Variants in DDAH1 observed in about 807,000 individuals in gnomAD.
DDAH1 encodes the protein dimethylarginine dimethylaminohydrolase 1, also known as N(G),N(G)-dimethylarginine dimethylaminohydrolase 1.
Under a neutral mutation model 28.8 loss-of-function variants are expected in DDAH1, and 19 were observed. That is an observed-to-expected ratio of 0.66 (90% confidence interval 0.46 to 0.97). The LOEUF is 0.97. DDAH1 is among the 50% of genes least tolerant of loss of function. The pLI is 0.00. For synonymous variants in DDAH1, 153 were observed against 154.4 expected (o/e 0.99, Z 0.07); for missense variants, 326 against 375.9 (o/e 0.87, Z 1.10).
chr1:85,338,279 TAAATG>T (rs1648260997), intron 4 of DDAH1, among the ~76,000 whole-genome samples: 2 of 152,224 alleles, frequency 1.3e-5, no homozygotes, highest in African/African-American at 4.8e-5. Context: ...GAAAATGTGA[TAAATG>T]AAAATCTTTC....
At chr1:85,402,866 G>A (rs564980140) in intron 1 of DDAH1, among the ~76,000 whole-genome samples, 69 of 146,174 alleles carry the variant, frequency 4.7e-4, no homozygotes, top group African/African-American at 1.6e-3. Context: ...CCGAGATAGC[G>A]CCACTGCACT....
At chr1:85,423,396 T>C (rs563094983) in intron 1 of DDAH1, among the ~76,000 whole-genome samples, 24 of 152,304 alleles carry the variant, frequency 1.6e-4, no homozygotes, top group African/African-American at 5.3e-4. Flanking sequence ...TTCCAATTCA[T>C]TAACAAGGAA....
chr1:85,364,214 T>C (rs889983242), intron 1 of DDAH1, among the ~76,000 whole-genome samples: 2 of 152,182 alleles, frequency 1.3e-5, no homozygotes, highest in African/African-American at 2.4e-5. Context: ...GGTCTCATCA[T>C]AGAGTGCAGC....
At chr1:85,414,552 T>C (rs1333685067) in intron 1 of DDAH1, among the ~76,000 whole-genome samples, 1 of 152,078 alleles carries the variant, frequency 6.6e-6, no homozygotes, top group Non-Finnish European at 1.5e-5. Context: ...CCAGAACATA[T>C]AAAGAATTCC....
intron 1 of DDAH1, among the ~76,000 whole-genome samples, chr1:85,418,418 T>C (rs10873702): frequency 0.77 from 117,257 of 151,908 alleles, 45,552 homozygotes; most frequent in Middle Eastern, 0.86. Flanking sequence ...GTGTTTATTA[T>C]ACAATTTGAC....
intron 1 of DDAH1, among the ~76,000 whole-genome samples, chr1:85,387,344 A>G (rs1481462402): frequency 6.6e-6 from 1 of 152,200 alleles, no homozygotes; most frequent in Non-Finnish European, 1.5e-5. Context: ...ATAGGCTGTT[A>G]GAAGCAGCTA....
intron 1 of DDAH1, among the ~76,000 whole-genome samples, chr1:85,389,732 G>A (rs1651452646): frequency 6.6e-6 from 1 of 152,140 alleles, no homozygotes; most frequent in Non-Finnish European, 1.5e-5. Flanking sequence ...GAATGAATAC[G>A]ACACAAGGAA....
At chr1:85,367,362 A>T (rs1650129044) in intron 1 of DDAH1, among the ~76,000 whole-genome samples, 2 of 152,040 alleles carry the variant, frequency 1.3e-5, no homozygotes, top group Admixed American at 6.6e-5. Flanking sequence ...TTCCCTTCCT[A>T]TGAGTAGGGT....
chr1:85,368,832 T>G (rs1650217564), intron 1 of DDAH1, among the ~76,000 whole-genome samples: 1 of 152,154 alleles, frequency 6.6e-6, no homozygotes, highest in African/African-American at 2.4e-5. Context: ...GAAATAGTAC[T>G]CGAAGTGTTC....
At chr1:85,479,806 G>T (rs1023064477) in intron 2 of DDAH1, among the ~76,000 whole-genome samples, 1 of 152,130 alleles carries the variant, frequency 6.6e-6, no homozygotes, top group African/African-American at 2.4e-5. Flanking sequence ...GCTTCCATCT[G>T]TTTGGCCCTG....
At chr1:85,454,467 C>A (rs571726481) in intron 1 of DDAH1, among the ~76,000 whole-genome samples, 1 of 152,268 alleles carries the variant, frequency 6.6e-6, no homozygotes, top group African/African-American at 2.4e-5. Context: ...TCCCAGGACC[C>A]AACTGGCCAA....
intron 1 of DDAH1, among the ~76,000 whole-genome samples, chr1:85,504,359 C>A (rs141458336): frequency 1.4e-4 from 22 of 152,244 alleles, no homozygotes; most frequent in African/African-American, 5.3e-4. Context: ...AGGGTGATAA[C>A]TTATTGAGTC....
At position 85,530,822 on chromosome 1, in the gene DDAH1, C is replaced by T. The variant is rs1658064515; in HGVS notation, c.-122-34541G>A. Among the ~76,000 whole-genome samples, 3 of 145,384 alleles carry T rather than the reference C, an allele frequency of 2.1e-5. No homozygotes were observed. In the South Asian group the frequency reaches 6.9e-4, roughly 33 times the overall value. ...CCAGCATGGTGAAACCCTGTCTCTA[C>T]TAAAAAAAGAAACAAAAAATTAGCT... is the stretch of plus-strand genomic sequence containing the variant. On this transcript the variant is annotated intron_variant, in intron 1 of 6. Transcript: ENST00000426972.
At position 85,464,605 on chromosome 1, in the gene DDAH1, CA is replaced by C; in HGVS notation, c.303+137del. 6.5e-7 allele frequency: 1 copy of C among 1,526,872 alleles called. No individual in the cohort carries two copies. The highest frequency in any genetic ancestry group is 8.8e-7 in the Non-Finnish European group (1 of 1,141,558). The allele number at this position is 1,526,872 out of a possible 1,614,324, so 94.6% of individuals were successfully genotyped here. A position where few individuals can be genotyped will look rare whatever the true frequency, so the allele number is the denominator to read the frequency against. ...TGACTCTCTGACACACACACACACACACACACTCGCCCCCCGACGGGAAGTT... is the reference window on the plus strand; with the variant it reads ...TGACTCTCTGACACACACACACACACCACACTCGCCCCCCGACGGGAAGTT... On this transcript the variant is annotated intron_variant, in intron 1 of 5. Transcript: ENST00000284031. This position sits in a 1 kb window ranked among gnomAD's most constrained non-coding sequence, Gnocchi z 4.4.
At chr1:85,558,717 CTAAAA>C (rs1165286738) in intron 1 of DDAH1, among the ~76,000 whole-genome samples, 2 of 151,952 alleles carry the variant, frequency 1.3e-5, no homozygotes, top group Non-Finnish European at 2.9e-5. Flanking sequence ...ATAAGTTATA[CTAAAA>C]TAAAATAAAA....
intron 4 of DDAH1, among the ~76,000 whole-genome samples, chr1:85,349,259 A>G (rs1480160156): frequency 6.6e-6 from 1 of 152,246 alleles, no homozygotes; most frequent in East Asian, 1.9e-4. Flanking sequence ...AAGCCTTAGA[A>G]ACAGAATCAA....
At chr1:85,354,587 A>T (rs138133475) in intron 2 of DDAH1, among the ~76,000 whole-genome samples, 1 of 152,254 alleles carries the variant, frequency 6.6e-6, no homozygotes, top group Non-Finnish European at 1.5e-5. Flanking sequence ...TAAATACTTG[A>T]GTCTTTCTTT....
chr1:85,482,710 A>AT (rs1450868698), intron 2 of DDAH1, among the ~76,000 whole-genome samples: 2 of 152,222 alleles, frequency 1.3e-5, no homozygotes, highest in Admixed American at 1.3e-4. Flanking sequence ...TGAAATGTGG[A>AT]TGGACATGTG....
chr1:85,379,589 TGAAA>T (rs1364033233), intron 1 of DDAH1: 10 of 985,170 alleles, frequency 1.0e-5, no homozygotes, highest in Non-Finnish European at 7.2e-6. Flanking sequence ...ACATAACTTG[TGAAA>T]GAGTCAGCCT....
Sources: gnomAD v4.1 joint callset for allele counts (sites outside exome capture counted in the v4.1 genomes callset) on GRCh38, gnomAD v4.1.1 for gene constraint, Gnocchi (gnomAD v3.1) non-coding constraint, MANE v1.5 for transcripts, NCBI Gene and HGNC (gene_info 2026-07-23, HGNC 2026-07-21) for gene names.